Variants in HOMER1 observed in about 807,000 individuals in gnomAD.
HOMER1 encodes homer protein homolog 1.
HOMER1 carries 3 observed loss-of-function variants against 48.9 expected under a neutral mutation model. That is an observed-to-expected ratio of 0.06 (90% CI 0.03 to 0.16). HOMER1 has a LOEUF of 0.16. HOMER1 is among the 10% of genes least tolerant of loss of function. The pLI is 1.00. For missense variants in HOMER1, 247 were observed against 411.4 expected (o/e 0.60, Z 3.46); for synonymous variants, 134 against 146.4 (o/e 0.92, Z 0.61).
At chr5:79,494,626 T>C (rs866548818) in intron 1 of HOMER1, among the ~76,000 whole-genome samples, 23 of 152,194 alleles carry the variant, frequency 1.5e-4, no homozygotes, top group Middle Eastern at 3.2e-3. Flanking sequence ...CCCAACACTT[T>C]GGGAGGCCAA....
At chr5:79,445,547 A>C (rs1174226298) in intron 4 of HOMER1, among the ~76,000 whole-genome samples, 1 of 148,080 alleles carries the variant, frequency 6.8e-6, no homozygotes, top group African/African-American at 2.7e-5. Context: ...AAAAAGTAAT[A>C]CTTTTGTAAA....
At chr5:79,400,934 ATTT>A (rs746813087) in intron 6 of HOMER1, among the ~76,000 whole-genome samples, 18 of 115,102 alleles carry the variant, frequency 1.6e-4, no homozygotes, top group Admixed American at 6.7e-4. Flanking sequence ...AAGAAAAAAG[ATTT>A]TTTTTTTTTT....
intron 8 of HOMER1, among the ~76,000 whole-genome samples, chr5:79,379,518 GAC>G (rs1201675174): frequency 2.3e-5 from 3 of 132,194 alleles, no homozygotes; most frequent in African/African-American, 2.9e-5. Flanking sequence ...TTATATTACA[GAC>G]AGAGAATTTT....
intron 4 of HOMER1, among the ~76,000 whole-genome samples, chr5:79,445,206 T>C (rs1397427107): frequency 6.6e-6 from 1 of 152,232 alleles, no homozygotes; most frequent in Non-Finnish European, 1.5e-5. Flanking sequence ...CATGTAAATC[T>C]GCTACTACTG....
intron 1 of HOMER1, among the ~76,000 whole-genome samples, chr5:79,501,815 C>T (rs1400178997): frequency 6.6e-6 from 1 of 152,152 alleles, no homozygotes; most frequent in African/African-American, 2.4e-5. Flanking sequence ...GCTGCGTCTC[C>T]TTCTCCATAA....
intron 1 of HOMER1, among the ~76,000 whole-genome samples, chr5:79,479,946 G>T (rs149254902): frequency 6.6e-6 from 1 of 152,020 alleles, no homozygotes; most frequent in East Asian, 1.9e-4. Flanking sequence ...GGGTATCTTC[G>T]ACTGCACTGT....
chr5:79,413,331 G>A (rs772369753), intron 5 of HOMER1, among the ~76,000 whole-genome samples: 1 of 152,146 alleles, frequency 6.6e-6, no homozygotes, highest in Non-Finnish European at 1.5e-5. Flanking sequence ...AACATATCCT[G>A]TATCACATGT....
At chr5:79,467,880 G>A (rs929183969) in intron 1 of HOMER1, among the ~76,000 whole-genome samples, 1 of 152,068 alleles carries the variant, frequency 6.6e-6, no homozygotes, top group Non-Finnish European at 1.5e-5. Context: ...AGGCTCAAGC[G>A]ATCCTCCTGC....
In HOMER1 at chr5:79,379,227, AAT is replaced by A. The variant is rs1275393508; in HGVS notation, c.877-3032_877-3031del. 1.2e-4 allele frequency among the ~76,000 whole-genome samples: 12 copies of A among 103,036 alleles called. No individual in the cohort carries two copies. The East Asian group carries it at 2.3e-3, about 20-fold the overall frequency. The allele number at this position is 103,036 out of a possible 152,430, so 67.6% of individuals were successfully genotyped here. A position where few individuals can be genotyped will look rare whatever the true frequency, so the allele number is the denominator to read the frequency against. On this transcript the variant is annotated intron_variant, in intron 8 of 8. Transcript: ENST00000334082. ...ATTATATATATTTTTATATATCTAT[AAT>A]ATATATTATATATTATATATATCTA...
rs774398192 is a variant in HOMER1, at chr5:79,439,120, A to G, written c.417T>C (p.Pro139=). Residue 139 remains proline (P), a synonymous_variant, in exon 5 of 9, where the codon CCT becomes CCC. Transcript: ENST00000334082. ...QESAGGDLQS[P]LTPESINGTD... The stretch of plus-strand genomic sequence containing the variant: ...TCCCGTTGATACTTTCCGGTGTTAA[A>G]GGAGACTGAAGATCCCCGCCTGCGG... 3.7e-6 allele frequency: 6 copies of G among 1,613,936 alleles called. No homozygotes were observed. In the African/African-American group the frequency reaches 8.0e-5, roughly 22 times the overall value.
chr5:79,482,128 G>A (rs573167909), intron 1 of HOMER1, among the ~76,000 whole-genome samples: 6 of 152,196 alleles, frequency 3.9e-5, no homozygotes, highest in African/African-American at 1.2e-4. Context: ...GCTGAGGTGG[G>A]AGGACCACTT....
chr5:79,490,511 A>C (rs897686117), intron 1 of HOMER1, among the ~76,000 whole-genome samples: 14 of 152,216 alleles, frequency 9.2e-5, no homozygotes, highest in Admixed American at 4.6e-4. Flanking sequence ...AGTAGAATTA[A>C]TGATTACTCA....
intron 8 of HOMER1, among the ~76,000 whole-genome samples, chr5:79,378,961 T>G (rs1282336465): frequency 6.7e-6 from 1 of 149,250 alleles, no homozygotes; most frequent in East Asian, 2.0e-4. Context: ...ATGGTGCTAG[T>G]CTATTTTTAG....
chr5:79,399,694 T>C (rs1048170115), intron 6 of HOMER1, among the ~76,000 whole-genome samples: 2 of 152,180 alleles, frequency 1.3e-5, no homozygotes, highest in African/African-American at 4.8e-5. Flanking sequence ...ACAAAATCTG[T>C]GGTCTCTACA....
At chr5:79,458,163 T>A (rs1751222268) in intron 1 of HOMER1, among the ~76,000 whole-genome samples, 2 of 152,126 alleles carry the variant, frequency 1.3e-5, no homozygotes, top group South Asian at 2.1e-4. Context: ...AAAATATCAT[T>A]ACAGAATTCT....
chr5:79,410,508 G>GA (rs1261642899), intron 5 of HOMER1, among the ~76,000 whole-genome samples: 1 of 133,984 alleles, frequency 7.5e-6, no homozygotes, highest in Non-Finnish European at 1.6e-5. Context: ...AAAAAAAAAA[G>GA]AAAAAAGAAA....
chr5:79,427,710 TTCCTTC>T (rs1750304194), intron 5 of HOMER1, among the ~76,000 whole-genome samples: 1 of 123,494 alleles, frequency 8.1e-6, no homozygotes, highest in African/African-American at 3.5e-5. Flanking sequence ...CTTCCTTCCT[TTCCTTC>T]CCTTCCTTCC....
chr5:79,390,621 T>A (rs1016624815), intron 8 of HOMER1, among the ~76,000 whole-genome samples: 2 of 152,034 alleles, frequency 1.3e-5, no homozygotes, highest in East Asian at 3.9e-4. Flanking sequence ...CAAAGCACTA[T>A]CCAAGTATAT....
At chr5:79,451,793 T>C (rs1268256858) in intron 2 of HOMER1, among the ~76,000 whole-genome samples, 1 of 151,874 alleles carries the variant, frequency 6.6e-6, no homozygotes, top group African/African-American at 2.4e-5. Flanking sequence ...ATGGTCTCGA[T>C]CTCCTGATCT....
Sources: gnomAD v4.1 joint callset for allele counts (sites outside exome capture counted in the v4.1 genomes callset) on GRCh38, gnomAD v4.1.1 for gene constraint, MANE v1.5 for transcripts, NCBI Gene and HGNC (gene_info 2026-07-23, HGNC 2026-07-21) for gene names.